Variants in ARFGEF3 observed in about 807,000 individuals in gnomAD.
The protein encoded by ARFGEF3 is brefeldin A-inhibited guanine nucleotide-exchange protein 3.
Under a neutral mutation model 221.7 loss-of-function variants are expected in ARFGEF3, and 96 were observed. The observed-to-expected ratio is 0.43, with a 90% CI of 0.37 to 0.51. ARFGEF3 has a LOEUF of 0.51. ARFGEF3 is among the 20% of genes least tolerant of loss of function. The pLI is 0.00. For missense variants in ARFGEF3, 2,410 were observed against 2,789.9 expected, an observed-to-expected ratio of 0.86 and a Z score of 3.07; for synonymous variants, 1,145 against 1,126.8, an observed-to-expected ratio of 1.02 and a Z score of -0.32.
chr6:138,164,222 A>AC (rs1554246151), intron 1 of ARFGEF3, among the ~76,000 whole-genome samples: 5 of 135,296 alleles, frequency 3.7e-5, no homozygotes, highest in Non-Finnish European at 6.0e-5. Context: ...TCACTCTTCA[A>AC]CCCCCCAATT....
intron 8 of ARFGEF3, among the ~76,000 whole-genome samples, chr6:138,248,686 C>T (rs527497643): frequency 5.3e-5 from 8 of 152,100 alleles, no homozygotes; most frequent in East Asian, 1.9e-4. Context: ...ATTAACCAGG[C>T]GTGGTTGCAG....
intron 2 of ARFGEF3, among the ~76,000 whole-genome samples, chr6:138,172,375 T>C (rs564798528): frequency 6.6e-6 from 1 of 152,308 alleles, no homozygotes; most frequent in South Asian, 2.1e-4. Context: ...ACCGCACCTT[T>C]AACTGTCACT....
intron 2 of ARFGEF3, among the ~76,000 whole-genome samples, chr6:138,171,719 T>G (rs1776839200): frequency 6.6e-6 from 1 of 152,182 alleles, no homozygotes; most frequent in Non-Finnish European, 1.5e-5. Flanking sequence ...ACATATATTT[T>G]TATAAATTAA....
At chr6:138,218,837 A>G (rs1051687546) in intron 4 of ARFGEF3, among the ~76,000 whole-genome samples, 1 of 152,330 alleles carries the variant, frequency 6.6e-6, no homozygotes, top group East Asian at 1.9e-4. Flanking sequence ...TACCAATGAA[A>G]TTTGACTTCT....
chr6:138,326,946 T>C (rs1041210573), intron 31 of ARFGEF3, among the ~76,000 whole-genome samples: 2 of 152,180 alleles, frequency 1.3e-5, no homozygotes, highest in African/African-American at 4.8e-5. Context: ...ATCATGTCCT[T>C]TGCAGGAACC....
intron 7 of ARFGEF3, among the ~76,000 whole-genome samples, chr6:138,244,991 C>A (rs1464644978): frequency 6.6e-6 from 1 of 152,200 alleles, no homozygotes; most frequent in Admixed American, 6.5e-5. Context: ...CTATCTTTTG[C>A]GTGTTTTGCT....
chr6:138,246,422 T>C (rs1023800228), intron 8 of ARFGEF3, among the ~76,000 whole-genome samples: 2 of 152,226 alleles, frequency 1.3e-5, no homozygotes, highest in Non-Finnish European at 2.9e-5. Context: ...GGAGAAATAG[T>C]CTAGTTGTAG....
chr6:138,168,233 A>T (rs770669584), intron 1 of ARFGEF3, among the ~76,000 whole-genome samples: 1 of 152,194 alleles, frequency 6.6e-6, no homozygotes, highest in Non-Finnish European at 1.5e-5. Context: ...CAGCAAAGAG[A>T]GTGATAAGAG....
intron 6 of ARFGEF3, among the ~76,000 whole-genome samples, chr6:138,241,681 C>T (rs1778395473): frequency 6.6e-6 from 1 of 152,120 alleles, no homozygotes; most frequent in Non-Finnish European, 1.5e-5. Flanking sequence ...CATCATGGGC[C>T]ACCTCAAAAT....
At chr6:138,231,225 C>G (rs946697507) in intron 5 of ARFGEF3, among the ~76,000 whole-genome samples, 4 of 152,134 alleles carry the variant, frequency 2.6e-5, no homozygotes, top group African/African-American at 9.7e-5. Flanking sequence ...CTGAGAGTAT[C>G]TGGAAGCCAA....
At chr6:138,318,943 C>A (rs540427931) in intron 27 of ARFGEF3, among the ~76,000 whole-genome samples, 1 of 152,068 alleles carries the variant, frequency 6.6e-6, no homozygotes, top group African/African-American at 2.4e-5. Flanking sequence ...TGCAAATTTG[C>A]TGACAAAGAA....
chr6:138,223,403 C>T (rs565045688), intron 4 of ARFGEF3, among the ~76,000 whole-genome samples: 9 of 152,080 alleles, frequency 5.9e-5, no homozygotes, highest in African/African-American at 9.7e-5. Context: ...CTTTGAAATG[C>T]GCCTGGCATT....
At position 138,308,750 on chromosome 6, in the gene ARFGEF3, G is replaced by T; in HGVS notation, c.3985G>T (p.Ala1329Ser). ...TCTTCCTCCCTTAGGAAAAGGCCAA[G>T]CTCCAGTGTTTGATGTATTTGAAGC... The part of the protein sequence containing the change: ...VGDYSMGKGQ[A>S]PVFDVFEAFL... The change falls in exon 24 of 34, where the codon GCT becomes TCT. Residue 1329 changes from alanine to serine, a missense_variant. Ala to Ser is a moderately conservative substitution (Grantham distance 99, BLOSUM62 1). Transcript: ENST00000251691. 1 of 1,613,974 alleles carries T rather than the reference G, an allele frequency of 6.2e-7. No homozygotes were observed. The highest frequency in any genetic ancestry group is 8.5e-7 in the Non-Finnish European group (1 of 1,179,870).
At position 138,340,135 on chromosome 6, in the gene ARFGEF3, C is replaced by T. The variant is rs953707870; in HGVS notation, c.*3649C>T. 6.6e-6 allele frequency: 1 copy of T among 152,250 alleles called. No individual in the cohort carries two copies. The highest frequency in any genetic ancestry group is 1.5e-5 in the Non-Finnish European group (1 of 68,072). 9.4% of individuals were successfully genotyped at this position (152,250 alleles called of 1,614,324 possible). A position where few individuals can be genotyped will look rare whatever the true frequency, so the allele number is the denominator to read the frequency against. On this transcript the variant is annotated 3_prime_UTR_variant, in exon 34 of 34. Coordinates refer to ENST00000251691, the MANE Select transcript of ARFGEF3 (RefSeq NM_020340.5). ...ATCCCAGCTACTCGGGAAGCTGAGG[C>T]AGGAGAATTGCTTGAACCTGGGAGG...
chr6:138,192,587 A>C (rs1348053130), intron 2 of ARFGEF3, among the ~76,000 whole-genome samples: 3 of 152,350 alleles, frequency 2.0e-5, no homozygotes, highest in Non-Finnish European at 4.4e-5. Flanking sequence ...CCCTAGGCCT[A>C]AGGGCTGGCC....
At chr6:138,204,524 A>G (rs1777595431) in intron 2 of ARFGEF3, among the ~76,000 whole-genome samples, 1 of 152,102 alleles carries the variant, frequency 6.6e-6, no homozygotes, top group African/African-American at 2.4e-5. Context: ...TTGATTTACT[A>G]ATGGTCTGTG....
chr6:138,299,296 TA>T (rs200170317), intron 22 of ARFGEF3, among the ~76,000 whole-genome samples: 51 of 141,460 alleles, frequency 3.6e-4, no homozygotes, highest in African/African-American at 5.7e-4. Flanking sequence ...ACTAGGCAAT[TA>T]AAAAAAAAAC....
chr6:138,286,857 A>G lies in ARFGEF3; in HGVS notation c.2726A>G (p.Asp909Gly). The G allele has an allele frequency of 6.2e-7, 1 of 1,613,910 alleles. No individual in the cohort carries two copies. Residue 909 changes from aspartate (D) to glycine (G), a missense_variant, in exon 16 of 34, where the codon GAC (aspartate) becomes GGC (glycine). Physicochemically the swap from Asp to Gly is moderately conservative, Grantham distance 94 (BLOSUM62 -1). Around this residue, in one of 5 missense-constraint regions of ARFGEF3, gnomAD observed 594 missense variants for 734.3 expected, o/e 0.81. Coordinates refer to ENST00000251691, the MANE Select transcript of ARFGEF3 (RefSeq NM_020340.5). ...GIKEQNQKER[D>G]AICMSLDGLR... ...AAAGAGCAGAACCAGAAGGAGCGGG[A>G]CGCCATCTGCATGAGCCTCGACGGG...
chr6:138,294,133 C>T lies in ARFGEF3; in HGVS notation c.3502+7C>T. ...TACTCTCTGGCAATGCCAGGTAATTCTTTCCCTGAATAAACCATATGCCAG... is the reference window on the plus strand; with the variant it reads ...TACTCTCTGGCAATGCCAGGTAATTTTTTCCCTGAATAAACCATATGCCAG... On this transcript the variant is annotated splice_region_variant and intron_variant, in intron 20 of 33. Transcript: ENST00000251691. 2 of 1,613,218 alleles carry T rather than the reference C, an allele frequency of 1.2e-6. No homozygotes were observed. The highest frequency in any genetic ancestry group is 1.7e-6 in the Non-Finnish European group (2 of 1,179,682).
Sources: allele counts gnomAD v4.1 joint callset (sites outside exome capture counted in the v4.1 genomes callset), GRCh38; gene constraint gnomAD v4.1.1; regional missense constraint gnomAD v4.1.1; transcripts MANE v1.5; gene names NCBI Gene and HGNC (gene_info 2026-07-23, HGNC 2026-07-21).